The following PRKCB variants were observed in gnomAD, a reference collection of about 807,000 sequenced individuals.
PRKCB encodes the protein protein kinase C beta.
A neutral mutation model predicts 81.5 loss-of-function variants in PRKCB; 13 were observed. The ratio of observed to expected loss-of-function variants is 0.16; its 90% CI spans 0.10 to 0.25. The LOEUF (loss-of-function observed/expected upper bound fraction) is 0.25, where lower values mean the gene tolerates loss of function less well. Among genes scored for constraint, PRKCB ranks in the 10% least tolerant of loss-of-function variants. The pLI, the probability that PRKCB is intolerant of heterozygous loss-of-function variation, is 1.00. For missense variants in PRKCB, 509 were observed against 875.7 expected (o/e 0.58, Z 5.29); for synonymous variants, 335 against 321.4 (o/e 1.04, Z -0.45).
intron 2 of PRKCB, among the ~76,000 whole-genome samples, chr16:23,849,611 G>C (rs1962438378): frequency 6.6e-6 from 1 of 152,034 alleles, no homozygotes; most frequent in African/African-American, 2.4e-5. Flanking sequence ...GTGCACTTAG[G>C]GAAACAGGAT....
chr16:23,863,194 ACGTATATATG>A (rs1567293357), intron 2 of PRKCB, among the ~76,000 whole-genome samples: 1 of 65,836 alleles, frequency 1.5e-5, no homozygotes, highest in Non-Finnish European at 3.0e-5. Flanking sequence ...ATACATACAT[ACGTATATATG>A]TGTATATATA....
intron 2 of PRKCB, among the ~76,000 whole-genome samples, chr16:23,953,429 G>A (rs1277890537): frequency 1.3e-5 from 2 of 152,200 alleles, no homozygotes; most frequent in Non-Finnish European, 2.9e-5. Context: ...TGCAGTTGGC[G>A]CTGGGCATCC....
chr16:24,096,666 A>AAAATATATATATATATATATAT (rs1406204037), intron 7 of PRKCB, among the ~76,000 whole-genome samples: 1 of 32,712 alleles, frequency 3.1e-5, no homozygotes, highest in South Asian at 1.5e-3. Flanking sequence ...AAAAAAAAAA[A>AAAATATATATATATATATATAT]ATATATATAT....
intron 15 of PRKCB, among the ~76,000 whole-genome samples, chr16:24,189,314 T>G (rs865789046): frequency 2.6e-5 from 4 of 152,192 alleles, no homozygotes; most frequent in South Asian, 2.1e-4. Flanking sequence ...ATTGGGTTAT[T>G]ATGATGATCA....
At chr16:23,991,601 T>C (rs1490927324) in intron 3 of PRKCB, among the ~76,000 whole-genome samples, 1 of 152,036 alleles carries the variant, frequency 6.6e-6, no homozygotes, top group Non-Finnish European at 1.5e-5. Context: ...AAAAGGAAAA[T>C]TTTGGGTCCT....
intron 16 of PRKCB, among the ~76,000 whole-genome samples, chr16:24,200,406 A>G (rs919625242): frequency 2.6e-5 from 4 of 152,336 alleles, no homozygotes. Context: ...ACCCATTTAA[A>G]CTTCAGATCA....
chr16:23,938,449 C>T (rs1417824917), intron 2 of PRKCB, among the ~76,000 whole-genome samples: 2 of 152,102 alleles, frequency 1.3e-5, no homozygotes, highest in Non-Finnish European at 2.9e-5. Context: ...ATGAGCACTT[C>T]CAGTAATTAA....
In PRKCB at chr16:24,024,226, A is replaced by G. The variant is rs1328297117; in HGVS notation, c.289-7910A>G. Among the ~76,000 whole-genome samples, 3 of 152,216 alleles carry G rather than the reference A, an allele frequency of 2.0e-5. No homozygotes were observed. In the East Asian group the frequency reaches 5.8e-4, roughly 29 times the overall value. On this transcript the variant is annotated intron_variant, in intron 3 of 16. Coordinates refer to ENST00000643927, the MANE Select transcript of PRKCB (RefSeq NM_002738.7). Reference sequence around the variant, plus strand: ...ATAAGCCAGGCACAGAAAGACAAATACTGCATGATCTCACTTAGATGTGGA... The same window carrying G: ...ATAAGCCAGGCACAGAAAGACAAATGCTGCATGATCTCACTTAGATGTGGA...
intron 12 of PRKCB, among the ~76,000 whole-genome samples, chr16:24,178,378 G>A (rs1196826399): frequency 6.6e-6 from 1 of 152,232 alleles, no homozygotes; most frequent in African/African-American, 2.4e-5. Context: ...AACACTGTAT[G>A]TGACAGTGAA....
At position 24,185,130 on chromosome 16, in the gene PRKCB, A is replaced by G. The variant is rs1967683788; in HGVS notation, c.1553A>G (p.Tyr518Cys). The G allele has an allele frequency of 6.2e-7, 1 of 1,613,916 alleles. No homozygotes were observed. The highest frequency in any genetic ancestry group is 1.1e-5 in the South Asian group (1 of 91,084). ...TTCTAGATAATTGCTTATCAGCCCTATGGGAAGTCCGTGGATTGGTGGGCA... is the reference window on the plus strand; with the variant it reads ...TTCTAGATAATTGCTTATCAGCCCTGTGGGAAGTCCGTGGATTGGTGGGCA... ...IAPEIIAYQPYGKSVDWWAFG... is the reference protein window; with the variant it reads ...IAPEIIAYQPCGKSVDWWAFG... The change falls in exon 14 of 17, where the codon TAT becomes TGT. Residue 518 changes from tyrosine (Y) to cysteine (C), a missense_variant. Transcript: ENST00000643927.
chr16:23,887,309 C>T (rs1963218527), intron 2 of PRKCB, among the ~76,000 whole-genome samples: 1 of 152,156 alleles, frequency 6.6e-6, no homozygotes, highest in African/African-American at 2.4e-5. Flanking sequence ...AAATAGTGAG[C>T]ATAGTACCCA....
chr16:23,991,833 A>G (rs1964890110), intron 3 of PRKCB, among the ~76,000 whole-genome samples: 1 of 152,242 alleles, frequency 6.6e-6, no homozygotes, highest in African/African-American at 2.4e-5. Context: ...CTAAAGTCTC[A>G]TTAGACCATG....
intron 3 of PRKCB, among the ~76,000 whole-genome samples, chr16:24,021,085 T>TTCTTTC (rs755362261): frequency 3.1e-5 from 4 of 130,136 alleles, no homozygotes; most frequent in Admixed American, 7.5e-5. Flanking sequence ...CTTTCTTTCT[T>TTCTTTC]TCTTTTTTTC....
At chr16:24,121,959 G>A (rs1408053365) in intron 8 of PRKCB, among the ~76,000 whole-genome samples, 1 of 152,198 alleles carries the variant, frequency 6.6e-6, no homozygotes, top group South Asian at 2.1e-4. Context: ...CTAGGTACCA[G>A]GGAAACAGTG....
At chr16:23,891,021 G>GTGTGTGTA (rs1491316390) in intron 2 of PRKCB, among the ~76,000 whole-genome samples, 12,449 of 147,924 alleles carry the variant, frequency 0.084, 543 homozygotes, top group Middle Eastern at 0.17. Context: ...GTGTGTGTGT[G>GTGTGTGTA]TATATATATA....
At chr16:24,201,148 T>G (rs1265035140) in intron 16 of PRKCB, among the ~76,000 whole-genome samples, 2 of 152,154 alleles carry the variant, frequency 1.3e-5, no homozygotes, top group African/African-American at 4.8e-5. Context: ...TTACCCTCAC[T>G]CCTGCTCTGG....
At chr16:24,058,260 T>G (rs999762416) in intron 5 of PRKCB, among the ~76,000 whole-genome samples, 49 of 152,150 alleles carry the variant, frequency 3.2e-4, no homozygotes, top group African/African-American at 1.1e-3. Context: ...CCCATTACTC[T>G]GTTTGCATTT....
intron 5 of PRKCB, among the ~76,000 whole-genome samples, chr16:24,047,826 C>T (rs1965788013): frequency 6.6e-6 from 1 of 152,180 alleles, no homozygotes; most frequent in South Asian, 2.1e-4. Flanking sequence ...TGGAGAAGAC[C>T]TGCTTTTCAT....
intron 9 of PRKCB, among the ~76,000 whole-genome samples, chr16:24,149,183 C>T (rs551246927): frequency 2.0e-5 from 3 of 152,318 alleles, no homozygotes; most frequent in African/African-American, 4.8e-5. Flanking sequence ...AAGCTACAGC[C>T]TCAGAAGTCT....
Sources: gnomAD v4.1 joint callset for allele counts (sites outside exome capture counted in the v4.1 genomes callset) on GRCh38, gnomAD v4.1.1 for gene constraint, MANE v1.5 for transcripts, NCBI Gene and HGNC (gene_info 2026-07-23, HGNC 2026-07-21) for gene names.